Variants in ABCA13 observed in about 807,000 individuals in gnomAD.
ABCA13 encodes the protein ATP-binding cassette sub-family A member 13.
ABCA13 carries 476 observed loss-of-function variants against 478.7 expected under a neutral mutation model. The ratio of observed to expected loss-of-function variants is 0.99; its 90% CI spans 0.92 to 1.07. The LOEUF (loss-of-function observed/expected upper bound fraction) is 1.07, where lower values mean the gene tolerates loss of function less well. Among genes scored for constraint, ABCA13 ranks in the 50% least tolerant of loss-of-function variants. The pLI is 0.00. For synonymous variants in ABCA13, 2,252 were observed against 2,158.9 expected (o/e 1.04, Z -1.20); for missense variants, 6,060 against 5,910.6 (o/e 1.03, Z -0.83).
intron 42 of ABCA13, among the ~76,000 whole-genome samples, chr7:48,436,681 C>T (rs949174639): frequency 1.3e-5 from 2 of 151,766 alleles, no homozygotes; most frequent in Non-Finnish European, 1.5e-5. Context: ...CTTAGTGCTG[C>T]TTTTACTGCA....
intron 41 of ABCA13, among the ~76,000 whole-genome samples, chr7:48,422,851 G>A (rs1009218252): frequency 3.3e-5 from 5 of 152,214 alleles, no homozygotes; most frequent in African/African-American, 1.2e-4. Flanking sequence ...GAGGAAGAAG[G>A]TGATGTTATG....
At chr7:48,448,268 T>C (rs1824544929) in intron 42 of ABCA13, among the ~76,000 whole-genome samples, 1 of 152,196 alleles carries the variant, frequency 6.6e-6, no homozygotes, top group Admixed American at 6.5e-5. Context: ...AACTCAAGTG[T>C]GAAGCTGTTT....
rs1156643955 is a variant in ABCA13 at position 48,637,381 on chromosome 7, C to CAAAAAAAAAAAAAAAAAAAAA, written c.14838-5902_14838-5882dup. Among the ~76,000 whole-genome samples the CAAAAAAAAAAAAAAAAAAAAA allele has an allele frequency of 9.9e-4, 20 of 20,254 alleles. 1 individual carries two copies. The highest frequency in any genetic ancestry group is 7.0e-3 in the East Asian group (4 of 574). 13.3% of individuals were successfully genotyped at this position (20,254 alleles called of 152,430 possible). ...TGTTTTCTTTATTATGTTCATAAAG[C>CAAAAAAAAAAAAAAAAAAAAA]AAAAAAAAAAAAAAAAAAAAAAAAA... On this transcript the variant is annotated intron_variant, in intron 59 of 61. Transcript: ENST00000435803.
At chr7:48,644,391 A>G (rs115873147) in intron 60 of ABCA13, among the ~76,000 whole-genome samples, 3,193 of 152,298 alleles carry the variant, frequency 0.021, 92 homozygotes, top group African/African-American at 0.072. Flanking sequence ...TTGCAAGGTT[A>G]GAGCATATCA....
intron 55 of ABCA13, among the ~76,000 whole-genome samples, chr7:48,575,246 G>A (rs1788050465): frequency 1.3e-5 from 2 of 152,016 alleles, no homozygotes; most frequent in Non-Finnish European, 2.9e-5. Context: ...GCTGATTGGA[G>A]CACTATGGAA....
At chr7:48,465,362 T>C (rs1459734426) in intron 43 of ABCA13, among the ~76,000 whole-genome samples, 1 of 152,186 alleles carries the variant, frequency 6.6e-6, no homozygotes, top group African/African-American at 2.4e-5. Flanking sequence ...CAGGATGTGG[T>C]TGGAAATTCC....
chr7:48,198,767 G>A (rs970181159), intron 3 of ABCA13, among the ~76,000 whole-genome samples: 26 of 152,086 alleles, frequency 1.7e-4, no homozygotes, highest in South Asian at 6.2e-4. Context: ...GAATCTTGTC[G>A]CCAGCTGAGG....
At position 48,499,809 on chromosome 7, in the gene ABCA13, A is replaced by T. The variant is rs183454507; in HGVS notation, c.13292-6527A>T. Among the ~76,000 whole-genome samples, 108 of 152,326 alleles carry T rather than the reference A, an allele frequency of 7.1e-4. No individual in the cohort carries two copies. In the East Asian group the frequency reaches 0.018, roughly 25 times the overall value. On this transcript the variant is annotated intron_variant, in intron 48 of 61. Coordinates refer to ENST00000435803, the MANE Select transcript of ABCA13 (RefSeq NM_152701.5). ...TGTTGAAACTATGCCCCTTTTACTT[A>T]GGAGCCTTGGACCTTTTACCAACAT... is the stretch of plus-strand genomic sequence containing the variant.
In ABCA13 at chr7:48,253,255, C is replaced by T. The variant is rs111980314; in HGVS notation, c.2005+3904C>T. 2.0e-5 allele frequency among the ~76,000 whole-genome samples: 3 copies of T among 152,314 alleles called. 1 individual carries two copies. The South Asian group carries it at 6.2e-4, about 32-fold the overall frequency. ...AGTGGCCTCCAACCTGGCATCCAAA[C>T]TATGCCACTTTTCTCATCTGTGCTC... On this transcript the variant is annotated intron_variant, in intron 15 of 61. Coordinates refer to ENST00000435803, the MANE Select transcript of ABCA13 (RefSeq NM_152701.5).
At chr7:48,432,575 TTCA>T (rs1205774718) in intron 42 of ABCA13, among the ~76,000 whole-genome samples, 1 of 152,124 alleles carries the variant, frequency 6.6e-6, no homozygotes, top group African/African-American at 2.4e-5. Context: ...AACCTAAGTG[TTCA>T]TCAACAGATG....
chr7:48,573,826 C>T (rs895491888), intron 55 of ABCA13, among the ~76,000 whole-genome samples: 4 of 152,094 alleles, frequency 2.6e-5, no homozygotes, highest in African/African-American at 4.8e-5. Context: ...GCTTGAACTC[C>T]GAGATCAAGC....
intron 61 of ABCA13, among the ~76,000 whole-genome samples, 158 bp from the exon 62 acceptor site, chr7:48,645,259 T>C (rs1417212635): frequency 1.3e-5 from 2 of 152,192 alleles, no homozygotes; most frequent in Admixed American, 6.5e-5. Flanking sequence ...TCAATGGATT[T>C]ATATATTTAT....
intron 15 of ABCA13, among the ~76,000 whole-genome samples, chr7:48,256,763 A>G (rs1016357714): frequency 6.6e-6 from 1 of 152,066 alleles, no homozygotes; most frequent in Non-Finnish European, 1.5e-5. Context: ...TCCCTACAGC[A>G]TTGCTCTTTT....
intron 37 of ABCA13, 134 bp downstream of exon 37, chr7:48,389,354 G>T: frequency 9.7e-7 from 1 of 1,030,250 alleles, no homozygotes; most frequent in East Asian, 2.6e-5. Context: ...TAGAGACACG[G>T]GTGAAAGGCA....
At position 48,580,231 on chromosome 7, in the gene ABCA13, G is replaced by A. The variant is rs373171750; in HGVS notation, c.14362G>A (p.Val4788Met). Residue 4788 changes from valine to methionine, a missense_variant, in exon 56 of 62, where the codon GTG (valine) becomes ATG (methionine). This residue lies in a region of ABCA13 where 1,627 missense variants were observed against 1,571.0 expected (regional missense o/e 1.04). Transcript: ENST00000435803. ...TGCTGCTTCTCTCTGCAGAGACGCC[G>A]TGGACCTGTCTTCTGCTGGCACGGC... is the stretch of plus-strand genomic sequence containing the variant. ...AIIRTPMGDA[V>M]DLSSAGTAGV... 111 of 1,609,872 alleles carry A rather than the reference G, an allele frequency of 6.9e-5. No individual in the cohort carries two copies. The highest frequency in any genetic ancestry group is 3.5e-4 in the South Asian group (32 of 90,332).
intron 38 of ABCA13, among the ~76,000 whole-genome samples, chr7:48,400,317 G>A (rs1476760491): frequency 6.6e-6 from 1 of 152,200 alleles, no homozygotes; most frequent in Non-Finnish European, 1.5e-5. Flanking sequence ...TAGGGGTTCA[G>A]TAAACATTCC....
intron 52 of ABCA13, among the ~76,000 whole-genome samples, chr7:48,518,371 G>A (rs927881516): frequency 6.6e-6 from 1 of 152,196 alleles, no homozygotes; most frequent in East Asian, 1.9e-4. Context: ...TGGAGTCACA[G>A]AAGTGAGATT....
chr7:48,426,809 G>A (rs1821485530), intron 41 of ABCA13, among the ~76,000 whole-genome samples: 1 of 152,168 alleles, frequency 6.6e-6, no homozygotes, highest in African/African-American at 2.4e-5. Context: ...CTTACTGCAT[G>A]CTTCCAGAGT....
intron 55 of ABCA13, among the ~76,000 whole-genome samples, chr7:48,547,824 C>T (rs1458177459): frequency 6.8e-6 from 1 of 146,972 alleles, no homozygotes; most frequent in Non-Finnish European, 1.5e-5. Flanking sequence ...GTGTTCTGAG[C>T]ACACTTAAGA....
Sources: allele counts gnomAD v4.1 joint callset (sites outside exome capture counted in the v4.1 genomes callset), GRCh38; gene constraint gnomAD v4.1.1; regional missense constraint gnomAD v4.1.1; transcripts MANE v1.5; gene names NCBI Gene and HGNC (gene_info 2026-07-23, HGNC 2026-07-21).